TTC28: variants seen among roughly 807,000 people sequenced by gnomAD.
TTC28 encodes the protein tetratricopeptide repeat protein 28.
A neutral mutation model predicts 198.0 loss-of-function variants in TTC28; 61 were observed. The observed-to-expected ratio is 0.31, with a 90% CI of 0.25 to 0.38. The LOEUF (loss-of-function observed/expected upper bound fraction) is 0.38, where lower values mean the gene tolerates loss of function less well. TTC28 is among the 10% of genes least tolerant of loss of function. TTC28 has a pLI of 1.00. For synonymous variants in TTC28, 1,171 were observed against 1,297.8 expected, an observed-to-expected ratio of 0.90 and a Z score of 2.10; for missense variants, 2,678 against 3,164.0, an observed-to-expected ratio of 0.85 and a Z score of 3.69.
chr22:28,521,925 T>C (rs2048916840), intron 2 of TTC28, among the ~76,000 whole-genome samples: 1 of 152,192 alleles, frequency 6.6e-6, no homozygotes, highest in African/African-American at 2.4e-5. Context: ...CTCTACAAGC[T>C]AGTCCTTAGC....
At chr22:28,163,967 G>C (rs1244389887) in intron 5 of TTC28, among the ~76,000 whole-genome samples, 1 of 152,186 alleles carries the variant, frequency 6.6e-6, no homozygotes, top group Non-Finnish European at 1.5e-5. Flanking sequence ...TTTTCCAATG[G>C]GCTTAACAAA....
In TTC28 at chr22:28,299,028, CAT is replaced by C. The variant is rs566741454; in HGVS notation, c.530-1178_530-1177del. Among the ~76,000 whole-genome samples the C allele has an allele frequency of 1.6e-4, 24 of 152,156 alleles. No individual in the cohort carries two copies. In the South Asian group the frequency reaches 4.8e-3, roughly 30 times the overall value. On this transcript the variant is annotated intron_variant, in intron 3 of 22. Coordinates refer to ENST00000397906, the MANE Select transcript of TTC28 (RefSeq NM_001145418.2). Reference sequence around the variant, plus strand: ...TTATTTTCATATGGTATTAAAAGAACATAGGGGTCAGTAAGCCACAGGAGATT... The same window carrying C: ...TTATTTTCATATGGTATTAAAAGAACAGGGGTCAGTAAGCCACAGGAGATT...
At chr22:28,642,958 ATTC>A (rs1365103858) in intron 1 of TTC28, 1 of 152,012 alleles carries the variant, frequency 6.6e-6, no homozygotes, top group Non-Finnish European at 1.5e-5. Context: ...AACATTTTTT[ATTC>A]TTATTTTTTT....
chr22:28,333,889 T>G (rs1269048674), intron 2 of TTC28, among the ~76,000 whole-genome samples: 2 of 152,154 alleles, frequency 1.3e-5, no homozygotes, highest in Non-Finnish European at 2.9e-5. Context: ...TTAGGGTACA[T>G]GTCCATAACG....
At chr22:28,611,269 T>G (rs906111305) in intron 2 of TTC28, among the ~76,000 whole-genome samples, 13 of 152,038 alleles carry the variant, frequency 8.6e-5, no homozygotes, top group African/African-American at 3.1e-4. Context: ...ATCGTCAGAT[T>G]TACCAAGGTT....
chr22:28,482,085 G>A (rs1040734146), intron 2 of TTC28, among the ~76,000 whole-genome samples: 3 of 151,894 alleles, frequency 2.0e-5, no homozygotes, highest in Non-Finnish European at 4.4e-5. Flanking sequence ...AGTGTGTTCC[G>A]TGTCAATCAA....
At chr22:28,109,621 ACATAT>A (rs1357980302) in intron 6 of TTC28, among the ~76,000 whole-genome samples, 1 of 152,258 alleles carries the variant, frequency 6.6e-6, no homozygotes, top group African/African-American at 2.4e-5. Flanking sequence ...GTTATATCAT[ACATAT>A]CATAACTATA....
intron 2 of TTC28, among the ~76,000 whole-genome samples, chr22:28,446,657 T>C (rs77888326): frequency 0.019 from 2,933 of 152,284 alleles, 31 homozygotes; most frequent in Non-Finnish European, 0.027. Flanking sequence ...GAGGCCCTCA[T>C]CAGAAGCAGA....
intron 2 of TTC28, among the ~76,000 whole-genome samples, chr22:28,401,270 C>A (rs2146102706): frequency 6.6e-6 from 1 of 152,188 alleles, no homozygotes; most frequent in Middle Eastern, 3.4e-3. Flanking sequence ...CTTCTTCCAG[C>A]TGAACTATTT....
chr22:28,422,010 C>T (rs1400768404), intron 2 of TTC28, among the ~76,000 whole-genome samples: 3 of 151,342 alleles, frequency 2.0e-5, no homozygotes, highest in Non-Finnish European at 4.4e-5. Flanking sequence ...ATATAAGCTT[C>T]GAACAGATTT....
intron 2 of TTC28, among the ~76,000 whole-genome samples, chr22:28,452,705 T>C (rs934523755): frequency 2.0e-5 from 3 of 152,190 alleles, no homozygotes; most frequent in African/African-American, 4.8e-5. Flanking sequence ...AGGTACTTTT[T>C]ACAGTTGTTA....
chr22:28,347,571 G>A (rs776331404), intron 2 of TTC28, among the ~76,000 whole-genome samples: 8 of 152,130 alleles, frequency 5.3e-5, no homozygotes, highest in Non-Finnish European at 8.8e-5. Context: ...TGAAAAGGGC[G>A]GTAGAAAGAA....
rs541092630 is a variant in TTC28, at chr22:28,413,744, A to G, written c.382-107101T>C. Among the ~76,000 whole-genome samples the G allele has an allele frequency of 1.2e-4, 12 of 103,816 alleles. No homozygotes were observed. The South Asian group carries it at 5.1e-3, about 44-fold the overall frequency. The allele number at this position is 103,816 out of a possible 152,430, so 68.1% of individuals were successfully genotyped here. On this transcript the variant is annotated intron_variant, in intron 2 of 22. Transcript: ENST00000397906. ...TTTCAGTAAATTTCAATTAAGGCTA[A>G]AAGTTAAAAAAAAGGTGGTAACTTT...
intron 5 of TTC28, among the ~76,000 whole-genome samples, chr22:28,204,586 C>G (rs560791844): frequency 1.2e-4 from 18 of 152,194 alleles, no homozygotes; most frequent in African/African-American, 4.1e-4. Context: ...TAGCCTGACT[C>G]TCATCACTCC....
chr22:28,018,597 G>A (rs1938474906), intron 13 of TTC28, among the ~76,000 whole-genome samples: 1 of 152,170 alleles, frequency 6.6e-6, no homozygotes, highest in Non-Finnish European at 1.5e-5. Flanking sequence ...GCTGCCTCTG[G>A]TTTCTCCATG....
intron 2 of TTC28, among the ~76,000 whole-genome samples, chr22:28,386,274 C>CAAAAAAAAAAAAAAAAAAAAAAAAAAAA (rs71194764): frequency 9.6e-5 from 5 of 52,236 alleles, no homozygotes; most frequent in South Asian, 1.8e-3. Context: ...GACTCCGTCT[C>CAAAAAAAAAAAAAAAAAAAAAAAAAAAA]AAAAAAAAAA....
intron 2 of TTC28, among the ~76,000 whole-genome samples, chr22:28,357,199 C>T (rs2046090173): frequency 6.6e-6 from 1 of 152,108 alleles, no homozygotes; most frequent in Admixed American, 6.6e-5. Flanking sequence ...GGATTCCCCA[C>T]TATAATGTAC....
intron 13 of TTC28, among the ~76,000 whole-genome samples, chr22:28,024,709 C>T (rs915816080): frequency 2.6e-5 from 4 of 152,186 alleles, no homozygotes; most frequent in African/African-American, 7.2e-5. Context: ...TTGCTGAGCA[C>T]GAGCAACCGT....
chr22:28,420,458 G>C (rs2047232724), intron 2 of TTC28, among the ~76,000 whole-genome samples: 1 of 148,972 alleles, frequency 6.7e-6, no homozygotes, highest in Non-Finnish European at 1.5e-5. Context: ...CACTTAAAGA[G>C]AGAGACCATG....
Sources: allele counts gnomAD v4.1 joint callset (sites outside exome capture counted in the v4.1 genomes callset), GRCh38; gene constraint gnomAD v4.1.1; transcripts MANE v1.5; gene names NCBI Gene and HGNC (gene_info 2026-07-23, HGNC 2026-07-21).